AADACL2: variants seen among roughly 807,000 people sequenced by gnomAD.
AADACL2 encodes arylacetamide deacetylase-like 2.
A neutral mutation model predicts 22.3 loss-of-function variants in AADACL2; 23 were observed. The ratio of observed to expected loss-of-function variants is 1.03; its 90% confidence interval spans 0.74 to 1.46. The LOEUF is 1.46. AADACL2 is among the 40% of genes most tolerant of loss of function. The pLI, the probability that AADACL2 is intolerant of heterozygous loss-of-function variation, is 0.00. For synonymous variants in AADACL2, 177 were observed against 166.2 expected, an observed-to-expected ratio of 1.07 and a Z score of -0.50; for missense variants, 472 against 482.9, an observed-to-expected ratio of 0.98 and a Z score of 0.21.
Position 151,758,198 on chromosome 3 carries a change from T to C in AADACL2, c.*604T>C, listed in dbSNP as rs746434927. 3.9e-5 allele frequency: 6 copies of C among 152,198 alleles called. No homozygotes were observed. The highest frequency in any genetic ancestry group is 8.8e-5 in the Non-Finnish European group (6 of 68,028). 9.4% of individuals were successfully genotyped at this position (152,198 alleles called of 1,614,324 possible). A position where few individuals can be genotyped will look rare whatever the true frequency, so the allele number is the denominator to read the frequency against. Reference sequence around the variant, plus strand: ...GACTCTCTAGAAGGTGCTCTTTGCCTCTTTTAACCTCTGGTGGCTGCCAGT... The same window carrying C: ...GACTCTCTAGAAGGTGCTCTTTGCCCCTTTTAACCTCTGGTGGCTGCCAGT... On this transcript the variant is annotated 3_prime_UTR_variant, in exon 5 of 5. Coordinates refer to ENST00000356517, the MANE Select transcript of AADACL2 (RefSeq NM_207365.4).
intron 4 of AADACL2, among the ~76,000 whole-genome samples, chr3:151,753,982 A>T (rs915540859): frequency 1.3e-5 from 2 of 152,140 alleles, no homozygotes; most frequent in African/African-American, 4.8e-5. Context: ...GGGAAATGGG[A>T]GAGGATTCAG....
At chr3:151,744,005 C>T (rs575546160) in intron 2 of AADACL2, 88 bp from the exon 3 acceptor site, 2 of 1,378,690 alleles carry the variant, frequency 1.5e-6, no homozygotes, top group East Asian at 4.7e-5. Flanking sequence ...TATTCACAAA[C>T]CACAGTTATT....
rs1371011512 is a variant in AADACL2 at position 151,760,258 on chromosome 3, A to G, written c.*2664A>G. 1 of 152,108 alleles carries G rather than the reference A, an allele frequency of 6.6e-6. No individual in the cohort carries two copies. The highest frequency in any genetic ancestry group is 2.4e-5 in the African/African-American group (1 of 41,424). The allele number at this position is 152,108 out of a possible 1,614,324, so 9.4% of individuals were successfully genotyped here. ...CATGGCATTACAGCTAAAAATTCCA[A>G]CGTTTTCAGTCTCTTTGTAGCTATG... On this transcript the variant is annotated 3_prime_UTR_variant, in exon 5 of 5. Transcript: ENST00000356517.
Position 151,761,204 on chromosome 3 carries a change from GATATAT to G in AADACL2, c.*3643_*3648del, listed in dbSNP as rs56205370. On this transcript the variant is annotated 3_prime_UTR_variant, in exon 5 of 5. Coordinates refer to ENST00000356517, the MANE Select transcript of AADACL2 (RefSeq NM_207365.4). ...ATATGGTGAGATATATACATATTGT[GATATAT>G]ATATATATATATATATATATATATA... 1,194 of 85,406 alleles carry G rather than the reference GATATAT, an allele frequency of 0.014. 35 individuals carry two copies. Among genetic ancestry groups the G allele is most frequent in the Admixed American group, 0.061 (445 of 7,310 alleles). The allele number at this position is 85,406 out of a possible 1,614,324, so 5.3% of individuals were successfully genotyped here.
intron 4 of AADACL2, among the ~76,000 whole-genome samples, chr3:151,747,281 C>T (rs1028471846): frequency 6.6e-6 from 1 of 152,064 alleles, no homozygotes; most frequent in Non-Finnish European, 1.5e-5. Flanking sequence ...TAGCAAATTT[C>T]GAGTACGCAG....
At chr3:151,747,436 A>G (rs1713490449) in intron 4 of AADACL2, among the ~76,000 whole-genome samples, 1 of 151,870 alleles carries the variant, frequency 6.6e-6, no homozygotes, top group Non-Finnish European at 1.5e-5. Flanking sequence ...GCTCCTCATA[A>G]CCACCACTCT....
At chr3:151,756,065 A>AGCC (rs1398622139) in intron 4 of AADACL2, among the ~76,000 whole-genome samples, 3 of 152,062 alleles carry the variant, frequency 2.0e-5, no homozygotes, top group Non-Finnish European at 4.4e-5. Flanking sequence ...CTTTCAGTTC[A>AGCC]GCCAGCCACT....
rs773089097 is a variant in AADACL2, at chr3:151,757,353, C to T, written c.965C>T (p.Ala322Val). 5.0e-6 allele frequency: 8 copies of T among 1,613,778 alleles called. No homozygotes were observed. The Admixed American group carries it at 1.2e-4, about 24-fold the overall frequency. The change falls in exon 5 of 5, where the codon GCC (alanine) becomes GTC (valine). Residue 322 changes from alanine (A) to valine (V), a missense_variant. Ala to Val is a moderately conservative substitution (Grantham distance 64). Coordinates refer to ENST00000356517, the MANE Select transcript of AADACL2 (RefSeq NM_207365.4). Reference protein sequence around the residue: ...LTDSRALPLLANDSQLQNLPL... With the variant: ...LTDSRALPLLVNDSQLQNLPL... ...GACAGCAGAGCATTACCCTTGTTGG[C>T]CAATGATTCTCAGTTACAGAATTTG...
rs1236986150 is a variant in AADACL2 at position 151,761,183 on chromosome 3, G to T, written c.*3589G>T. 1.7e-3 allele frequency: 122 copies of T among 72,850 alleles called. No homozygotes were observed. The highest frequency in any genetic ancestry group is 7.8e-3 in the East Asian group (20 of 2,562). 4.5% of individuals were successfully genotyped at this position (72,850 alleles called of 1,614,324 possible). On this transcript the variant is annotated 3_prime_UTR_variant, in exon 5 of 5. Transcript: ENST00000356517. ...TGGTGAGATATATATTTATATATAT[G>T]GTGAGATATATACATATTGTGATAT... is the stretch of plus-strand genomic sequence containing the variant.
In AADACL2 at chr3:151,740,673, A is replaced by G. The variant is rs765095693; in HGVS notation, c.166A>G (p.Met56Val). The G allele has an allele frequency of 6.2e-7, 1 of 1,612,178 alleles. No homozygotes were observed. Among genetic ancestry groups the G allele is most frequent in the South Asian group, 1.1e-5 (1 of 90,608 alleles). ...TATGTGTTTTGAAAATATGCGTATT[A>G]TGAGATATGAAGAGTTTATATCCAT... is the stretch of plus-strand genomic sequence containing the variant. ...TAMCFENMRI[M>V]RYEEFISMIF... The change falls in exon 2 of 5, where the codon ATG (methionine) becomes GTG (valine). Residue 56 changes from methionine (M) to valine (V), a missense_variant. Around this residue, in one of 3 missense-constraint regions of AADACL2, gnomAD observed 356 missense variants for 365.5 expected, o/e 0.97. Coordinates refer to ENST00000356517, the MANE Select transcript of AADACL2 (RefSeq NM_207365.4).
intron 1 of AADACL2, among the ~76,000 whole-genome samples, chr3:151,739,146 C>A (rs1255066804): frequency 2.6e-5 from 4 of 152,182 alleles, no homozygotes; most frequent in Non-Finnish European, 5.9e-5. Context: ...TACCTTTGAT[C>A]TTTGAGGCTG....
At chr3:151,744,047 C>T (rs1183236287) in intron 2 of AADACL2, 46 bp from the exon 3 acceptor site, 1 of 1,577,518 alleles carries the variant, frequency 6.3e-7, no homozygotes, top group South Asian at 1.1e-5. Flanking sequence ...GTTTCTATAG[C>T]TTTTTAATTA....
intron 4 of AADACL2, among the ~76,000 whole-genome samples, chr3:151,748,092 T>C (rs1041314858): frequency 4.7e-5 from 7 of 148,586 alleles, no homozygotes; most frequent in African/African-American, 1.1e-4. Flanking sequence ...TTGTTTCTTT[T>C]TTCGTGCAGA....
intron 4 of AADACL2, among the ~76,000 whole-genome samples, chr3:151,756,316 ACTTG>A (rs1713902703): frequency 6.6e-6 from 1 of 150,470 alleles, no homozygotes; most frequent in African/African-American, 2.4e-5. Context: ...TGCATATCAG[ACTTG>A]TGCACATCGA....
intron 2 of AADACL2, among the ~76,000 whole-genome samples, chr3:151,742,972 T>C (rs1021995410): frequency 6.6e-6 from 1 of 152,120 alleles, no homozygotes; most frequent in Non-Finnish European, 1.5e-5. Flanking sequence ...TTGTTTTACA[T>C]GGAAGGCTAT....
In AADACL2 at chr3:151,757,269, A is replaced by T. The variant is rs751548403; in HGVS notation, c.881A>T (p.Asp294Val). 1 of 1,613,768 alleles carries T rather than the reference A, an allele frequency of 6.2e-7. No individual in the cohort carries two copies. Among genetic ancestry groups the T allele is most frequent in the South Asian group, 1.1e-5 (1 of 91,056 alleles). ...CTTCTTCCTGAGAAGTATAGAAAAG[A>T]CTATGTATATACTGAACCAATTCTT... ...SILLPEKYRK[D>V]YVYTEPILGG... Residue 294 changes from aspartate (D) to valine (V), a missense_variant, in exon 5 of 5, where the codon GAC becomes GTC. Physicochemically the swap from Asp to Val is radical, Grantham distance 152. This residue lies in a region of AADACL2 where 356 missense variants were observed against 365.5 expected (regional missense o/e 0.97). Coordinates refer to ENST00000356517, the MANE Select transcript of AADACL2 (RefSeq NM_207365.4).
chr3:151,741,514 T>C (rs1713277492), intron 2 of AADACL2, among the ~76,000 whole-genome samples: 2 of 152,152 alleles, frequency 1.3e-5, no homozygotes, highest in South Asian at 4.1e-4. Flanking sequence ...GAGGGATTAT[T>C]ATCCAAAATG....
At chr3:151,746,198 T>G (rs1468761391) in intron 4 of AADACL2, among the ~76,000 whole-genome samples, 9 of 152,046 alleles carry the variant, frequency 5.9e-5, no homozygotes, top group Non-Finnish European at 1.3e-4. Context: ...TTTTTTAAAA[T>G]TTTTATTAAA....
In AADACL2 at chr3:151,761,203, T is replaced by TGA. The variant is rs1243116658; in HGVS notation, c.*3610_*3611dup. On this transcript the variant is annotated 3_prime_UTR_variant, in exon 5 of 5. Transcript: ENST00000356517. ...TATATGGTGAGATATATACATATTG[T>TGA]GATATATATATATATATATATATAT... is the stretch of plus-strand genomic sequence containing the variant. 5.4e-5 allele frequency: 3 copies of TGA among 55,216 alleles called. No homozygotes were observed. The highest frequency in any genetic ancestry group is 8.0e-4 in the South Asian group (1 of 1,244). The allele number at this position is 55,216 out of a possible 1,614,324, so 3.4% of individuals were successfully genotyped here.
Sources: gnomAD v4.1 joint callset for allele counts (sites outside exome capture counted in the v4.1 genomes callset) on GRCh38, gnomAD v4.1.1 for gene constraint, gnomAD v4.1.1 regional missense constraint, MANE v1.5 for transcripts, NCBI Gene and HGNC (gene_info 2026-07-23, HGNC 2026-07-21) for gene names.